The following CNTNAP2 variants were observed in gnomAD, a reference collection of about 807,000 sequenced individuals.
The protein encoded by CNTNAP2 is contactin-associated protein-like 2.
CNTNAP2 carries 98 observed loss-of-function variants against 155.2 expected under a neutral mutation model. That is an observed-to-expected ratio of 0.63 (90% CI 0.54 to 0.75). CNTNAP2 has a LOEUF of 0.75. Among genes scored for constraint, CNTNAP2 ranks in the 30% least tolerant of loss-of-function variants. CNTNAP2 has a pLI of 0.00. For missense variants in CNTNAP2, 1,727 were observed against 1,688.1 expected (o/e 1.02, Z -0.40); for synonymous variants, 651 against 631.2 (o/e 1.03, Z -0.47).
At chr7:148,140,580 G>A (rs972752089) in intron 16 of CNTNAP2, among the ~76,000 whole-genome samples, 5 of 151,810 alleles carry the variant, frequency 3.3e-5, no homozygotes, top group East Asian at 1.9e-4. Context: ...CTGCCACCAC[G>A]CCCAGCTAAT....
chr7:146,408,087 A>G (rs549384967), intron 1 of CNTNAP2, among the ~76,000 whole-genome samples: 13 of 152,242 alleles, frequency 8.5e-5, no homozygotes, highest in African/African-American at 3.1e-4. Context: ...TCAGATTTTC[A>G]ACTGTATGGG....
At chr7:148,189,618 C>A (rs987236081) in intron 18 of CNTNAP2, among the ~76,000 whole-genome samples, 22 of 152,110 alleles carry the variant, frequency 1.4e-4, no homozygotes, top group Admixed American at 1.4e-3. Flanking sequence ...TCTCACAAGA[C>A]GACATCCCCT....
intron 12 of CNTNAP2, among the ~76,000 whole-genome samples, chr7:147,600,118 A>G (rs890018805): frequency 6.6e-5 from 10 of 152,222 alleles, no homozygotes; most frequent in Non-Finnish European, 1.2e-4. Context: ...GGAAATTGGA[A>G]CAGACCCTGG....
chr7:147,678,940 G>A (rs971439), intron 13 of CNTNAP2, among the ~76,000 whole-genome samples: 8,717 of 151,824 alleles, frequency 0.057, 341 homozygotes, highest in Middle Eastern at 0.12. Flanking sequence ...AAACCATAGG[G>A]CCACACAATG....
intron 8 of CNTNAP2, among the ~76,000 whole-genome samples, chr7:147,290,001 C>T (rs891398583): frequency 6.6e-6 from 1 of 152,152 alleles, no homozygotes; most frequent in African/African-American, 2.4e-5. Context: ...AGTAGATTCT[C>T]ATCGTTCTCA....
intron 10 of CNTNAP2, among the ~76,000 whole-genome samples, chr7:147,431,487 GC>G (rs1425934606): frequency 6.6e-6 from 1 of 152,032 alleles, no homozygotes. Flanking sequence ...TCACACATGT[GC>G]CCCTACAACC....
intron 1 of CNTNAP2, among the ~76,000 whole-genome samples, chr7:146,663,574 ATTTTTAAGCCCACATAT>A (rs1800134052): frequency 6.6e-6 from 1 of 151,984 alleles, no homozygotes; most frequent in Non-Finnish European, 1.5e-5. Flanking sequence ...TATGTTTTGC[ATTTTTAAGCCCACATAT>A]TTTGTATATA....
intron 3 of CNTNAP2, among the ~76,000 whole-genome samples, chr7:146,844,253 A>C (rs887072335): frequency 6.6e-6 from 1 of 152,266 alleles, no homozygotes; most frequent in African/African-American, 2.4e-5. Flanking sequence ...AGAATGGTTT[A>C]TCTGAATATT....
intron 12 of CNTNAP2, among the ~76,000 whole-genome samples, chr7:147,573,226 G>C (rs1800327607): frequency 6.6e-6 from 1 of 152,104 alleles, no homozygotes; most frequent in South Asian, 2.1e-4. Flanking sequence ...AAATATCCCT[G>C]TGGATGAAGT....
intron 14 of CNTNAP2, among the ~76,000 whole-genome samples, chr7:147,930,706 A>G (rs1468000716): frequency 6.6e-6 from 1 of 152,216 alleles, no homozygotes; most frequent in African/African-American, 2.4e-5. Context: ...CCTAACGGAC[A>G]TACACAGAAC....
chr7:146,646,472 A>G (rs1298790707), intron 1 of CNTNAP2, among the ~76,000 whole-genome samples: 1 of 152,224 alleles, frequency 6.6e-6, no homozygotes, highest in African/African-American at 2.4e-5. Context: ...GTAATGTATA[A>G]CATATAAGCT....
chr7:147,343,731 T>C (rs1291188955), intron 9 of CNTNAP2, among the ~76,000 whole-genome samples: 1 of 152,138 alleles, frequency 6.6e-6, no homozygotes, highest in Non-Finnish European at 1.5e-5. Flanking sequence ...TGGCAAAATA[T>C]GGTGCATGGG....
rs183532683 is a variant in CNTNAP2 at position 146,482,194 on chromosome 7, G to T, written c.98-292077G>T. ...CTAAGACCTAAATGGAAGAGCCAGA[G>T]GCTAAGAATTAGAAAAAAAAAAAAA... is the stretch of plus-strand genomic sequence containing the variant. On this transcript the variant is annotated intron_variant, in intron 1 of 23. Coordinates refer to ENST00000361727, the MANE Select transcript of CNTNAP2 (RefSeq NM_014141.6). Among the ~76,000 whole-genome samples, 744 of 132,572 alleles carry T rather than the reference G, an allele frequency of 5.6e-3. 4 individuals carry two copies. The Middle Eastern group carries it at 0.06, about 11-fold the overall frequency. 87.0% of individuals were successfully genotyped at this position (132,572 alleles called of 152,430 possible).
chr7:146,246,196 C>T (rs536566123), intron 1 of CNTNAP2, among the ~76,000 whole-genome samples: 5 of 151,130 alleles, frequency 3.3e-5, no homozygotes, highest in Non-Finnish European at 5.9e-5. Context: ...GATCGGTCGC[C>T]AAGGAGGGAG....
chr7:146,244,294 T>C (rs888000281), intron 1 of CNTNAP2, among the ~76,000 whole-genome samples: 3 of 152,054 alleles, frequency 2.0e-5, no homozygotes, highest in Non-Finnish European at 4.4e-5. Context: ...GGAGAAACAG[T>C]GTAAACCGGC....
At chr7:147,840,697 T>A (rs1385325288) in intron 13 of CNTNAP2, among the ~76,000 whole-genome samples, 1 of 152,140 alleles carries the variant, frequency 6.6e-6, no homozygotes, top group Non-Finnish European at 1.5e-5. Context: ...AGAATGAATT[T>A]GAAAGAATTG....
rs185967122 is a variant in CNTNAP2 at position 146,494,265 on chromosome 7, C to T, written c.98-280006C>T. Among the ~76,000 whole-genome samples the T allele has an allele frequency of 3.0e-3, 450 of 151,810 alleles. 4 individuals are homozygous for T. Among genetic ancestry groups the T allele is most frequent in the Non-Finnish European group, 4.8e-3 (325 of 67,908 alleles). ...AGGAGAATGGCATGAATCCGGGAGG[C>T]GGAGTTTGTAGTGAGCAGAGATCGC... On this transcript the variant is annotated intron_variant, in intron 1 of 23. Transcript: ENST00000361727.
At chr7:147,680,646 A>G (rs1326530315) in intron 13 of CNTNAP2, among the ~76,000 whole-genome samples, 2 of 151,890 alleles carry the variant, frequency 1.3e-5, no homozygotes, top group African/African-American at 2.4e-5. Context: ...TGGCTATACC[A>G]GGGCATGTTC....
At chr7:146,574,177 T>C (rs1798485914) in intron 1 of CNTNAP2, among the ~76,000 whole-genome samples, 1 of 133,252 alleles carries the variant, frequency 7.5e-6, no homozygotes, top group Non-Finnish European at 1.6e-5. Flanking sequence ...TTCTCCTTAA[T>C]CCCTTCACTT....
Sources: allele counts gnomAD v4.1 joint callset (sites outside exome capture counted in the v4.1 genomes callset), GRCh38; gene constraint gnomAD v4.1.1; transcripts MANE v1.5; gene names NCBI Gene and HGNC (gene_info 2026-07-23, HGNC 2026-07-21).